MAT1A: variants seen among roughly 807,000 people sequenced by gnomAD.
The protein encoded by MAT1A is S-adenosylmethionine synthase isoform type-1.
In MAT1A, 19 loss-of-function variants were observed where a neutral mutation model predicts 44.0. That is an observed-to-expected ratio of 0.43 (90% CI 0.30 to 0.63). MAT1A has a LOEUF of 0.63. Among genes scored for constraint, MAT1A ranks in the 30% least tolerant of loss-of-function variants. The pLI is 0.12. For synonymous variants in MAT1A, 205 were observed against 205.6 expected, an observed-to-expected ratio of 1.00 and a Z score of 0.03; for missense variants, 397 against 531.0, an observed-to-expected ratio of 0.75 and a Z score of 2.48.
intron 3 of MAT1A, 145 bp downstream of exon 3, chr10:80,283,770 TG>T: frequency 7.7e-7 from 1 of 1,301,880 alleles, no homozygotes; most frequent in Non-Finnish European, 1.1e-6. Flanking sequence ...CTTTGACCCC[TG>T]GAACCTGACA....
rs561640682 is a variant in MAT1A, at chr10:80,284,148, A to T, written c.170-110T>A. ...ACAGAAAAGACACAGGAGGGGCCTT[A>T]CGAGGAATGGATTCCAGAAGGAAAA... On this transcript the variant is annotated intron_variant, in intron 2 of 8. Coordinates refer to ENST00000372213, the MANE Select transcript of MAT1A (RefSeq NM_000429.3). 8 of 1,398,180 alleles carry T rather than the reference A, an allele frequency of 5.7e-6. No individual in the cohort carries two copies. In the South Asian group the frequency reaches 9.8e-5, roughly 17 times the overall value. The allele number at this position is 1,398,180 out of a possible 1,614,324, so 86.6% of individuals were successfully genotyped here.
At chr10:80,281,607 CA>C (rs1589482549) in intron 3 of MAT1A, among the ~76,000 whole-genome samples, 1 of 152,146 alleles carries the variant, frequency 6.6e-6, no homozygotes. Context: ...ACCACAAGGT[CA>C]AGCATAGTGA....
At chr10:80,275,298 G>T in intron 6 of MAT1A, 99 bp from the exon 7 acceptor site, 3 of 1,075,226 alleles carry the variant, frequency 2.8e-6, no homozygotes, top group East Asian at 2.5e-5. Context: ...AACTCAGGAA[G>T]GATGTCCTGG....
In MAT1A at chr10:80,274,581, C is replaced by A; in HGVS notation, c.1024G>T (p.Glu342Ter). 6.2e-7 allele frequency: 1 copy of A among 1,614,232 alleles called. No homozygotes were observed. The highest frequency in any genetic ancestry group is 8.5e-7 in the Non-Finnish European group (1 of 1,180,046). The change falls in exon 8 of 9, where the codon GAG (glutamate) becomes TAG (stop). Residue 342 changes from glutamate (E) to a stop codon, truncating the protein, a stop_gained. Coordinates refer to ENST00000372213, the MANE Select transcript of MAT1A (RefSeq NM_000429.3). LOFTEE classifies it high-confidence loss of function. The stretch of plus-strand genomic sequence containing the variant: ...TGCACCACATCCAGCAGCTCTCGCT[C>A]TGTCTTCTGAGAGGTTCCGTAGGTG... ...IFTYGTSQKT[E>*]RELLDVVHKN...
At chr10:80,280,579 C>T (rs1305665397) in intron 4 of MAT1A, 101 bp downstream of exon 4, 9 of 1,140,984 alleles carry the variant, frequency 7.9e-6, no homozygotes, top group Middle Eastern at 3.9e-4. Flanking sequence ...TCCTGGCTAT[C>T]GTGCTAGGAC....
At chr10:80,279,909 T>C (rs188928851) in intron 5 of MAT1A, among the ~76,000 whole-genome samples, 2 of 152,196 alleles carry the variant, frequency 1.3e-5, no homozygotes, top group East Asian at 3.9e-4. Context: ...GACTCATTAG[T>C]CAATGTTTAC....
chr10:80,277,506 T>C (rs1432060219), intron 5 of MAT1A, among the ~76,000 whole-genome samples: 1 of 152,212 alleles, frequency 6.6e-6, no homozygotes, highest in Admixed American at 6.5e-5. Context: ...GATGGCCCGA[T>C]GCACACAGAC....
rs979162676 is a variant in MAT1A at position 80,273,680 on chromosome 10, G to T, written c.*101C>A. 1.2e-6 allele frequency: 1 copy of T among 863,100 alleles called. No individual in the cohort carries two copies. Among genetic ancestry groups the T allele is most frequent in the Non-Finnish European group, 2.0e-6 (1 of 497,536 alleles). The allele number at this position is 863,100 out of a possible 1,614,324, so 53.5% of individuals were successfully genotyped here. The stretch of plus-strand genomic sequence containing the variant: ...AGAGGGACCTGGCTTTGCCCTGAGG[G>T]TTGGTGGGTGGGGAAGGCGATCAGC... On this transcript the variant is annotated 3_prime_UTR_variant, in exon 9 of 9. Transcript: ENST00000372213.
At chr10:80,286,038 A>G (rs920154877) in intron 1 of MAT1A, among the ~76,000 whole-genome samples, 2 of 152,116 alleles carry the variant, frequency 1.3e-5, no homozygotes, top group Non-Finnish European at 2.9e-5. Flanking sequence ...CATGTTGGCC[A>G]GGCTGGTCTT....
rs762617869 is a variant in MAT1A at position 80,275,059 on chromosome 10, C to A, written c.909G>T (p.Lys303Asn). 6.4e-7 allele frequency: 1 copy of A among 1,567,592 alleles called. No individual in the cohort carries two copies. Among genetic ancestry groups the A allele is most frequent in the Non-Finnish European group, 8.6e-7 (1 of 1,156,854 alleles). ...GGCAGAGCCCTGCTTTCACCAGAGA[C>A]TTGGCCACCCAGCGGGCAGCATATG... is the stretch of plus-strand genomic sequence containing the variant. Reference protein sequence around the residue: ...SAAYAARWVAKSLVKAGLCRR... With the variant: ...SAAYAARWVANSLVKAGLCRR... Residue 303 changes from lysine (K) to asparagine (N), a missense_variant, in exon 7 of 9, where the codon AAG becomes AAT. Coordinates refer to ENST00000372213, the MANE Select transcript of MAT1A (RefSeq NM_000429.3).
intron 1 of MAT1A, among the ~76,000 whole-genome samples, chr10:80,288,606 A>C (rs1048827790): frequency 2.6e-5 from 4 of 152,180 alleles, no homozygotes; most frequent in African/African-American, 9.7e-5. Flanking sequence ...TTCTGCTCTT[A>C]GAGAACGTTA....
intron 1 of MAT1A, among the ~76,000 whole-genome samples, chr10:80,286,399 C>T (rs1841651593): frequency 6.6e-6 from 1 of 152,108 alleles, no homozygotes; most frequent in Non-Finnish European, 1.5e-5. Context: ...TACATGACTC[C>T]ACCCATAAGA....
intron 3 of MAT1A, among the ~76,000 whole-genome samples, chr10:80,281,415 C>T (rs534059566): frequency 5.3e-5 from 8 of 152,140 alleles, no homozygotes; most frequent in African/African-American, 1.9e-4. Context: ...GCACAGGGTG[C>T]AGGCCTGCTA....
At chr10:80,284,665 A>G (rs1016679860) in intron 2 of MAT1A, among the ~76,000 whole-genome samples, 4 of 152,160 alleles carry the variant, frequency 2.6e-5, no homozygotes, top group Non-Finnish European at 4.4e-5. Context: ...ACACTGGGGC[A>G]CCCTACCCCA....
Position 80,271,949 on chromosome 10 carries a change from G to C in MAT1A, c.*1832C>G, listed in dbSNP as rs1181499616. ...GAGGGTAGGGAAAGTATAAAATTCT[G>C]AATTTTCATGTCGAGTGTGAGCCAA... is the stretch of plus-strand genomic sequence containing the variant. On this transcript the variant is annotated 3_prime_UTR_variant, in exon 9 of 9. Coordinates refer to ENST00000372213, the MANE Select transcript of MAT1A (RefSeq NM_000429.3). 1.3e-5 allele frequency: 2 copies of C among 151,880 alleles called. No homozygotes were observed. The highest frequency in any genetic ancestry group is 2.4e-5 in the African/African-American group (1 of 41,352). 9.4% of individuals were successfully genotyped at this position (151,880 alleles called of 1,614,324 possible).
intron 3 of MAT1A, among the ~76,000 whole-genome samples, chr10:80,282,712 C>T (rs1841584911): frequency 6.6e-6 from 1 of 152,130 alleles, no homozygotes; most frequent in African/African-American, 2.4e-5. Context: ...TGCACTCAAC[C>T]AATATTAATT....
At chr10:80,279,318 G>A (rs914496944) in intron 5 of MAT1A, among the ~76,000 whole-genome samples, 6 of 152,110 alleles carry the variant, frequency 3.9e-5, no homozygotes, top group East Asian at 1.9e-4. Flanking sequence ...GAGAGATGGC[G>A]CTGAACAGGA....
rs1051404791 is a variant in MAT1A, at chr10:80,272,014, C to T, written c.*1767G>A. 2 of 152,198 alleles carry T rather than the reference C, an allele frequency of 1.3e-5. No individual in the cohort carries two copies. Among genetic ancestry groups the T allele is most frequent in the African/African-American group, 4.8e-5 (2 of 41,446 alleles). The allele number at this position is 152,198 out of a possible 1,614,324, so 9.4% of individuals were successfully genotyped here. A position where few individuals can be genotyped will look rare whatever the true frequency, so the allele number is the denominator to read the frequency against. On this transcript the variant is annotated 3_prime_UTR_variant, in exon 9 of 9. Transcript: ENST00000372213. ...GCCACCTGCAAACCACTCCCTCCCT[C>T]CATGGGAAGGAATCTGAGGCTTCCT...
At chr10:80,279,546 A>G (rs1007868282) in intron 5 of MAT1A, among the ~76,000 whole-genome samples, 1 of 152,072 alleles carries the variant, frequency 6.6e-6, no homozygotes, top group African/African-American at 2.4e-5. Flanking sequence ...GGGAGGGGAT[A>G]CAGGGGTGAG....
Sources: allele counts gnomAD v4.1 joint callset (sites outside exome capture counted in the v4.1 genomes callset), GRCh38; gene constraint gnomAD v4.1.1; transcripts MANE v1.5; gene names NCBI Gene and HGNC (gene_info 2026-07-23, HGNC 2026-07-21).